The following BCL2L11 variants were observed in gnomAD, a reference collection of about 807,000 sequenced individuals.
BCL2L11 encodes the protein BCL2 like 11.
Under a neutral mutation model 20.6 loss-of-function variants are expected in BCL2L11, and 15 were observed. That is an observed-to-expected ratio of 0.73 (90% CI 0.49 to 1.12). The LOEUF (loss-of-function observed/expected upper bound fraction) is 1.12, where lower values mean the gene tolerates loss of function less well. BCL2L11 is among the 50% of genes most tolerant of loss of function. The pLI is 0.00. For synonymous variants in BCL2L11, 108 were observed against 92.8 expected, an observed-to-expected ratio of 1.16 and a Z score of -0.94; for missense variants, 292 against 260.9, an observed-to-expected ratio of 1.12 and a Z score of -0.82.
rs762820125 is a variant in BCL2L11, at chr2:111,123,821, C to T, written c.76C>T (p.Pro26Ser). 6.5e-7 allele frequency: 1 copy of T among 1,527,182 alleles called. No individual in the cohort carries two copies. The highest frequency in any genetic ancestry group is 2.2e-5 in the Admixed American group (1 of 45,630). 94.6% of individuals were successfully genotyped at this position (1,527,182 alleles called of 1,614,324 possible). ...GRQLQPAERP[P>S]QLRPGAPTSL... ...ACAATTGCAGCCTGCGGAGAGGCCTCCCCAGCTCAGACCTGGGGCCCCTAC... is the reference window on the plus strand; with the variant it reads ...ACAATTGCAGCCTGCGGAGAGGCCTTCCCAGCTCAGACCTGGGGCCCCTAC... The change falls in exon 2 of 4, where the codon CCC (proline) becomes TCC (serine). Residue 26 changes from proline to serine, a missense_variant. Pro to Ser is a moderately conservative substitution (Grantham distance 74). Coordinates refer to ENST00000393256, the MANE Select transcript of BCL2L11 (RefSeq NM_138621.5).
intron 2 of BCL2L11, among the ~76,000 whole-genome samples, chr2:111,148,572 T>A (rs906487155): frequency 6.6e-6 from 1 of 152,240 alleles, no homozygotes; most frequent in Non-Finnish European, 1.5e-5. Context: ...TTTGTATGAT[T>A]GGATGTATTC....
In BCL2L11 at chr2:111,155,346, A is replaced by G. The variant is rs947476924; in HGVS notation, c.498+5199A>G. ...GGTTGCCAGTTTCTTTCATCACCCAAACTGTGTGAGCGCATGTACCGGTTC... is the reference window on the plus strand; with the variant it reads ...GGTTGCCAGTTTCTTTCATCACCCAGACTGTGTGAGCGCATGTACCGGTTC... On this transcript the variant is annotated intron_variant, in intron 3 of 3. Transcript: ENST00000393256. 1.5e-3 allele frequency among the ~76,000 whole-genome samples: 234 copies of G among 152,092 alleles called. 4 individuals are homozygous for G. The highest frequency in any genetic ancestry group is 5.0e-4 in the Non-Finnish European group (34 of 67,992).
intron 1 of BCL2L11, chr2:111,122,788 C>T (rs1452644524): frequency 5.1e-6 from 5 of 985,108 alleles, no homozygotes; most frequent in Non-Finnish European, 6.0e-6. Flanking sequence ...ACTCTGAACC[C>T]GAGTCCCGGG....
intron 1 of BCL2L11, chr2:111,122,577 G>A (rs1205391042): frequency 8.1e-6 from 8 of 982,204 alleles, no homozygotes; most frequent in East Asian, 1.1e-4. Flanking sequence ...GGCACCCGGC[G>A]CCAGCGGCGC....
At chr2:111,161,105 G>A (rs1461967721) in intron 3 of BCL2L11, among the ~76,000 whole-genome samples, 2 of 152,130 alleles carry the variant, frequency 1.3e-5, no homozygotes, top group African/African-American at 2.4e-5. Flanking sequence ...CCAGAACACC[G>A]TGGATTAGAG....
Position 111,124,149 on chromosome 2 carries a change from G to T in BCL2L11, c.394+10G>T, listed in dbSNP as rs1289631992. On this transcript the variant is annotated intron_variant, in intron 2 of 3. Coordinates refer to ENST00000393256, the MANE Select transcript of BCL2L11 (RefSeq NM_138621.5). ...TATCTCAGTGCAATGGGTAAGCAAT[G>T]CCTGGGTAAGAGGCAGTTGACGTGT... 6.3e-7 allele frequency: 1 copy of T among 1,594,912 alleles called. No individual in the cohort carries two copies. The highest frequency in any genetic ancestry group is 1.1e-5 in the South Asian group (1 of 88,670).
At chr2:111,133,003 A>G (rs756172833) in intron 2 of BCL2L11, among the ~76,000 whole-genome samples, 2 of 152,246 alleles carry the variant, frequency 1.3e-5, no homozygotes, top group Non-Finnish European at 2.9e-5. Flanking sequence ...AAATGTGTCA[A>G]GGTTTGTTTT....
At chr2:111,134,129 C>T (rs1447391124) in intron 2 of BCL2L11, among the ~76,000 whole-genome samples, 2 of 151,666 alleles carry the variant, frequency 1.3e-5, no homozygotes, top group African/African-American at 4.8e-5. Context: ...TCTGCCCAAT[C>T]TGTCTCTTAA....
At chr2:111,122,625 C>G in intron 1 of BCL2L11, 1 of 984,176 alleles carries the variant, frequency 1.0e-6, no homozygotes, top group Middle Eastern at 5.2e-4. Context: ...GGGCGCAGAG[C>G]GCGAGGGGAG....
intron 2 of BCL2L11, among the ~76,000 whole-genome samples, chr2:111,132,549 G>A (rs1468769221): frequency 6.6e-6 from 1 of 152,148 alleles, no homozygotes; most frequent in African/African-American, 2.4e-5. Flanking sequence ...ATTATACTTA[G>A]CCTGATTATT....
chr2:111,128,618 T>G lies in BCL2L11; in HGVS notation c.394+4479T>G. 9 of 1,487,930 alleles carry G rather than the reference T, an allele frequency of 6.0e-6. 1 individual carries two copies. In the South Asian group the frequency reaches 1.2e-4, roughly 20 times the overall value. 92.2% of individuals were successfully genotyped at this position (1,487,930 alleles called of 1,614,324 possible). A position where few individuals can be genotyped will look rare whatever the true frequency, so the allele number is the denominator to read the frequency against. The stretch of plus-strand genomic sequence containing the variant: ...CTTACCAACACTTTTTTTTTTTTTT[T>G]TTTAACAGTAGTCATCCTAGAGGAT... On this transcript the variant is annotated intron_variant, in intron 2 of 3. Transcript: ENST00000393256.
chr2:111,158,044 G>A (rs1033934912), intron 3 of BCL2L11, among the ~76,000 whole-genome samples: 2 of 152,190 alleles, frequency 1.3e-5, no homozygotes, highest in Non-Finnish European at 2.9e-5. Flanking sequence ...CAGTATTGTA[G>A]CAATCTCCTC....
intron 2 of BCL2L11, among the ~76,000 whole-genome samples, chr2:111,134,248 T>TA (rs1192258818): frequency 6.6e-6 from 1 of 152,004 alleles, no homozygotes; most frequent in Non-Finnish European, 1.5e-5. Context: ...TTTTTAACCT[T>TA]ACTGTGGGTT....
chr2:111,127,513 G>A (rs2072926298), intron 2 of BCL2L11, among the ~76,000 whole-genome samples: 2 of 151,696 alleles, frequency 1.3e-5, no homozygotes, highest in South Asian at 4.2e-4. Flanking sequence ...AGCTCCCTGG[G>A]CGGGGAATAA....
At chr2:111,135,759 G>A (rs942636898) in intron 2 of BCL2L11, among the ~76,000 whole-genome samples, 10 of 152,190 alleles carry the variant, frequency 6.6e-5, no homozygotes, top group African/African-American at 2.4e-4. Context: ...CAGTGGGTGT[G>A]TGTAATGTCA....
At chr2:111,153,712 C>G in intron 3 of BCL2L11, 2 of 1,540,516 alleles carry the variant, frequency 1.3e-6, no homozygotes, top group East Asian at 2.4e-5. Context: ...AATGCCTTGT[C>G]TAAAGTGTTA....
rs1011265939 is a variant in BCL2L11 at position 111,166,253 on chromosome 2, C to G, written c.*2022C>G. The G allele has an allele frequency of 2.0e-5, 3 of 152,796 alleles. No individual in the cohort carries two copies. The highest frequency in any genetic ancestry group is 7.2e-5 in the African/African-American group (3 of 41,476). The allele number at this position is 152,796 out of a possible 1,614,324, so 9.5% of individuals were successfully genotyped here. A position where few individuals can be genotyped will look rare whatever the true frequency, so the allele number is the denominator to read the frequency against. ...GAGCACTTTACTCTGTTTCCTCAGC[C>G]CTGCAGCCCCTGGGAGCACACACTG... On this transcript the variant is annotated 3_prime_UTR_variant, in exon 4 of 4. Coordinates refer to ENST00000393256, the MANE Select transcript of BCL2L11 (RefSeq NM_138621.5).
In BCL2L11 at chr2:111,167,969, C is replaced by G. The variant is rs542816908; in HGVS notation, c.*3738C>G. On this transcript the variant is annotated 3_prime_UTR_variant, in exon 4 of 4. Transcript: ENST00000393256. Reference sequence around the variant, plus strand: ...CATGCAGGTGGTTCTGCCATCCCTGCTGATTTAGCCTGGTGCCTGTGTGTG... The same window carrying G: ...CATGCAGGTGGTTCTGCCATCCCTGGTGATTTAGCCTGGTGCCTGTGTGTG... The G allele has an allele frequency of 6.5e-6, 1 of 152,816 alleles. No homozygotes were observed. The highest frequency in any genetic ancestry group is 2.1e-4 in the South Asian group (1 of 4,824). 9.5% of individuals were successfully genotyped at this position (152,816 alleles called of 1,614,324 possible).
intron 3 of BCL2L11, among the ~76,000 whole-genome samples, chr2:111,163,872 T>TC (rs2078870798): frequency 6.6e-6 from 1 of 151,088 alleles, no homozygotes; most frequent in Non-Finnish European, 1.5e-5. Context: ...TTTTTTTTTT[T>TC]TTTTTTTTTT....
Sources: gnomAD v4.1 joint callset for allele counts (sites outside exome capture counted in the v4.1 genomes callset) on GRCh38, gnomAD v4.1.1 for gene constraint, MANE v1.5 for transcripts, NCBI Gene and HGNC (gene_info 2026-07-23, HGNC 2026-07-21) for gene names.